BNC2: variants seen among roughly 807,000 people sequenced by gnomAD.
BNC2 encodes the protein basonuclin zinc finger protein 2.
A neutral mutation model predicts 76.3 loss-of-function variants in BNC2; 20 were observed. That is an observed-to-expected ratio of 0.26 (90% CI 0.18 to 0.38). The LOEUF is 0.38. Among genes scored for constraint, BNC2 ranks in the 10% least tolerant of loss-of-function variants. The pLI is 1.00. For synonymous variants in BNC2, 582 were observed against 514.8 expected (o/e 1.13, Z -1.77); for missense variants, 1,382 against 1,399.8 (o/e 0.99, Z 0.20).
chr9:16,867,572 A>C (rs1217706462), intron 1 of BNC2: 1 of 152,188 alleles, frequency 6.6e-6, no homozygotes, highest in Non-Finnish European at 1.5e-5. Context: ...AACCGTGCTG[A>C]ACCCTTAACT....
chr9:16,739,995 T>C (rs1824794643), intron 1 of BNC2, among the ~76,000 whole-genome samples: 1 of 152,172 alleles, frequency 6.6e-6, no homozygotes, highest in Non-Finnish European at 1.5e-5. Context: ...CCAGCAGCCA[T>C]CTACACAGAC....
Position 16,412,422 on chromosome 9 carries a change from G to C in BNC2, c.*6567C>G, listed in dbSNP as rs915922398. The C allele has an allele frequency of 2.0e-5, 3 of 152,400 alleles. No homozygotes were observed. The highest frequency in any genetic ancestry group is 4.8e-5 in the African/African-American group (2 of 41,428). The allele number at this position is 152,400 out of a possible 1,614,324, so 9.4% of individuals were successfully genotyped here. A position where few individuals can be genotyped will look rare whatever the true frequency, so the allele number is the denominator to read the frequency against. ...TTTTAATCTTTTCCCTACAGATTAGGGGGCAATATAATCTTACTTATGCCA... is the reference window on the plus strand; with the variant it reads ...TTTTAATCTTTTCCCTACAGATTAGCGGGCAATATAATCTTACTTATGCCA... On this transcript the variant is annotated 3_prime_UTR_variant, in exon 7 of 7. Coordinates refer to ENST00000380672, the MANE Select transcript of BNC2 (RefSeq NM_017637.6).
rs78528933 is a variant in BNC2 at position 16,528,785 on chromosome 9, T to C, written c.669+23745A>G. On this transcript the variant is annotated intron_variant, in intron 5 of 6. Transcript: ENST00000380672. The stretch of plus-strand genomic sequence containing the variant: ...AATAAATTATGGTATATCCACATAA[T>C]GGGAAATTATATGGAGGTTCAAAAA... 8.5e-5 allele frequency among the ~76,000 whole-genome samples: 13 copies of C among 152,192 alleles called. No homozygotes were observed. In the East Asian group the frequency reaches 2.3e-3, roughly 27 times the overall value.
intron 5 of BNC2, among the ~76,000 whole-genome samples, chr9:16,516,652 CTTCT>C (rs1005102911): frequency 6.6e-6 from 1 of 152,054 alleles, no homozygotes; most frequent in Non-Finnish European, 1.5e-5. Context: ...TAAATGTGTG[CTTCT>C]TTTTTTTTCT....
At chr9:16,731,326 T>A (rs1824497771) in intron 2 of BNC2, among the ~76,000 whole-genome samples, 1 of 152,224 alleles carries the variant, frequency 6.6e-6, no homozygotes, top group Admixed American at 6.5e-5. Context: ...TTAAAGGCCA[T>A]CTGTTGGCTT....
At chr9:16,710,383 T>G (rs1332959716) in intron 3 of BNC2, among the ~76,000 whole-genome samples, 1 of 152,242 alleles carries the variant, frequency 6.6e-6, no homozygotes, top group Non-Finnish European at 1.5e-5. Flanking sequence ...CCAGAAATAT[T>G]ACAGTGGCAT....
At chr9:16,526,813 G>A (rs906373289) in intron 5 of BNC2, among the ~76,000 whole-genome samples, 5 of 152,084 alleles carry the variant, frequency 3.3e-5, no homozygotes, top group African/African-American at 4.8e-5. Context: ...CGTGGATATA[G>A]CAAACAACAC....
chr9:16,588,189 C>T (rs1265098310), intron 3 of BNC2, among the ~76,000 whole-genome samples: 2 of 152,182 alleles, frequency 1.3e-5, no homozygotes, highest in African/African-American at 4.8e-5. Flanking sequence ...TAAGTGTTAA[C>T]CTATCCGGCA....
intron 3 of BNC2, among the ~76,000 whole-genome samples, chr9:16,725,217 T>TCACTCA (rs929934068): frequency 0.068 from 10,122 of 148,180 alleles, 466 homozygotes; most frequent in Admixed American, 0.17. Flanking sequence ...TCTCTCTCTC[T>TCACTCA]CACACACACA....
intron 5 of BNC2, among the ~76,000 whole-genome samples, chr9:16,506,713 A>G (rs1822636365): frequency 6.8e-6 from 1 of 146,984 alleles, no homozygotes; most frequent in South Asian, 2.2e-4. Flanking sequence ...TTTAGTTGAG[A>G]CGGGGTTTCA....
At chr9:16,584,267 G>A (rs1162244820) in intron 3 of BNC2, among the ~76,000 whole-genome samples, 3 of 152,142 alleles carry the variant, frequency 2.0e-5, no homozygotes, top group African/African-American at 7.2e-5. Flanking sequence ...CACAGCTCCA[G>A]ATGCTCATAT....
intron 3 of BNC2, among the ~76,000 whole-genome samples, chr9:16,641,125 G>A (rs1280482656): frequency 2.6e-5 from 4 of 152,174 alleles, no homozygotes; most frequent in Non-Finnish European, 4.4e-5. Flanking sequence ...TTTGTTCTAT[G>A]TTGTAGAAAT....
intron 3 of BNC2, among the ~76,000 whole-genome samples, chr9:16,665,492 G>C (rs150502293): frequency 4.6e-4 from 59 of 128,090 alleles, no homozygotes; most frequent in African/African-American, 1.8e-3. Context: ...GAAAGAAAGA[G>C]AGAGAGAGAA....
At chr9:16,763,237 T>C (rs890150583) in intron 1 of BNC2, among the ~76,000 whole-genome samples, 2 of 152,164 alleles carry the variant, frequency 1.3e-5, no homozygotes, top group Admixed American at 6.6e-5. Context: ...TTCCCCTCCA[T>C]TTTTGTGGTC....
At chr9:16,634,291 T>C (rs1004030888) in intron 3 of BNC2, among the ~76,000 whole-genome samples, 2 of 152,194 alleles carry the variant, frequency 1.3e-5, no homozygotes, top group Non-Finnish European at 2.9e-5. Context: ...CTGAGCTTGC[T>C]TTACCTTGTC....
intron 5 of BNC2, among the ~76,000 whole-genome samples, chr9:16,495,714 T>G (rs532584983): frequency 1.3e-5 from 2 of 152,114 alleles, no homozygotes; most frequent in Non-Finnish European, 2.9e-5. Context: ...TAGGGCCCAG[T>G]GGCTGGGGCT....
intron 5 of BNC2, among the ~76,000 whole-genome samples, chr9:16,464,831 A>G (rs1324695875): frequency 6.6e-6 from 1 of 152,214 alleles, no homozygotes; most frequent in Non-Finnish European, 1.5e-5. Context: ...TGAAAAAGTT[A>G]AAACTAATCA....
intron 5 of BNC2, among the ~76,000 whole-genome samples, chr9:16,439,259 ATT>A (rs1821079880): frequency 6.6e-6 from 1 of 152,130 alleles, no homozygotes; most frequent in South Asian, 2.1e-4. Context: ...CATTGTAAAA[ATT>A]TTACAACCTC....
intron 1 of BNC2, among the ~76,000 whole-genome samples, chr9:16,769,080 G>A (rs1208172525): frequency 6.6e-6 from 1 of 152,208 alleles, no homozygotes; most frequent in Non-Finnish European, 1.5e-5. Flanking sequence ...CGGGTCTTCT[G>A]TAAGAATTAC....
Sources: gnomAD v4.1 joint callset for allele counts (sites outside exome capture counted in the v4.1 genomes callset) on GRCh38, gnomAD v4.1.1 for gene constraint, MANE v1.5 for transcripts, NCBI Gene and HGNC (gene_info 2026-07-23, HGNC 2026-07-21) for gene names.